Variants in SEC13 observed in about 807,000 individuals in gnomAD.
SEC13 encodes the protein protein SEC13 homolog.
Under a neutral mutation model 49.2 loss-of-function variants are expected in SEC13, and 25 were observed. The ratio of observed to expected loss-of-function variants is 0.51; its 90% CI spans 0.37 to 0.71. SEC13 has a LOEUF of 0.71. Among genes scored for constraint, SEC13 ranks in the 30% least tolerant of loss-of-function variants. The probability of loss-of-function intolerance (pLI) is 0.00; values close to 1 mark genes in which losing one functional copy is unlikely to be tolerated. For synonymous variants in SEC13, 148 were observed against 163.9 expected (o/e 0.90, Z 0.74); for missense variants, 383 against 417.6 (o/e 0.92, Z 0.72).
intron 5 of SEC13, among the ~76,000 whole-genome samples, chr3:10,308,870 A>G (rs1701063155): frequency 6.9e-6 from 1 of 145,276 alleles, no homozygotes; most frequent in Non-Finnish European, 1.5e-5. Flanking sequence ...GGCCTCAAAC[A>G]GGAGTTCACC....
intron 3 of SEC13, among the ~76,000 whole-genome samples, chr3:10,314,331 CTTT>C (rs1186046272): frequency 6.6e-6 from 1 of 152,204 alleles, no homozygotes; most frequent in Non-Finnish European, 1.5e-5. Context: ...GCATGTACTT[CTTT>C]GTTAACACTT....
In SEC13 at chr3:10,300,996, A is replaced by G; in HGVS notation, c.*265T>C. The G allele has an allele frequency of 7.6e-7, 1 of 1,317,634 alleles. No homozygotes were observed. The highest frequency in any genetic ancestry group is 1.1e-6 in the Non-Finnish European group (1 of 936,794). 81.6% of individuals were successfully genotyped at this position (1,317,634 alleles called of 1,614,324 possible). A position where few individuals can be genotyped will look rare whatever the true frequency, so the allele number is the denominator to read the frequency against. On this transcript the variant is annotated 3_prime_UTR_variant, in exon 9 of 9. Transcript: ENST00000350697. ...AACCCCCCAAATAATGCCTGAACCC[A>G]AAGGTACATAAAAATGACCCAAAAT...
At position 10,315,395 on chromosome 3, in the gene SEC13, G is replaced by C; in HGVS notation, c.90C>G (p.Thr30=). 1 of 1,612,850 alleles carries C rather than the reference G, an allele frequency of 6.2e-7. No individual in the cohort carries two copies. The highest frequency in any genetic ancestry group is 8.5e-7 in the Non-Finnish European group (1 of 1,179,846). The change falls in exon 3 of 9, where the codon ACC becomes ACG. Residue 30 remains threonine (T), a synonymous_variant. Transcript: ENST00000350697. Reference sequence around the variant, plus strand: ...TTTTGACGGACCTGTCTGATGAGCAGGTTGCCAGGCGGGTGCCATAGTAGT... The same window carrying C: ...TTTTGACGGACCTGTCTGATGAGCACGTTGCCAGGCGGGTGCCATAGTAGT... The part of the protein sequence containing the change: ...QMDYYGTRLA[T]CSSDRSVKIF...
chr3:10,319,796 A>G (rs139495467), intron 1 of SEC13, among the ~76,000 whole-genome samples: 5 of 1,560 alleles, frequency 3.2e-3, no homozygotes, highest in Non-Finnish European at 4.9e-3. Flanking sequence ...GAGAGAGAGA[A>G]GGCGGGGGGG....
At chr3:10,305,302 A>G in intron 6 of SEC13, 146 bp from the exon 7 acceptor site, 1 of 1,248,832 alleles carries the variant, frequency 8.0e-7, no homozygotes, top group Non-Finnish European at 1.1e-6. Context: ...TATTCCCTTC[A>G]CCCCAGCTGT....
intron 5 of SEC13, among the ~76,000 whole-genome samples, chr3:10,307,846 G>C (rs1388726452): frequency 6.6e-6 from 1 of 152,202 alleles, no homozygotes; most frequent in Non-Finnish European, 1.5e-5. Context: ...TGGGATTACA[G>C]GTGTGAGCCA....
At position 10,311,799 on chromosome 3, in the gene SEC13, G is replaced by A. The variant is rs761244896; in HGVS notation, c.450+166C>T. The A allele has an allele frequency of 3.4e-6, 5 of 1,483,266 alleles. No individual in the cohort carries two copies. The Admixed American group carries it at 1.1e-4, about 32-fold the overall frequency. The allele number at this position is 1,483,266 out of a possible 1,614,324, so 91.9% of individuals were successfully genotyped here. A position where few individuals can be genotyped will look rare whatever the true frequency, so the allele number is the denominator to read the frequency against. On this transcript the variant is annotated intron_variant, in intron 5 of 8. Coordinates refer to ENST00000350697, the MANE Select transcript of SEC13 (RefSeq NM_183352.3). ...CAAGCCCTGCCTGGTCTGGCTTCAG[G>A]GCAGAGAGGCTCAAAGCTGCTCTAG... is the stretch of plus-strand genomic sequence containing the variant.
chr3:10,315,601 C>T (rs1701556979), intron 2 of SEC13, among the ~76,000 whole-genome samples, 165 bp from the exon 3 acceptor site: 1 of 152,218 alleles, frequency 6.6e-6, no homozygotes, highest in Non-Finnish European at 1.5e-5. Flanking sequence ...TGGACATTCT[C>T]ACTTCACCTA....
chr3:10,307,819 T>TGGCGGGATTA (rs1433078849), intron 5 of SEC13, among the ~76,000 whole-genome samples: 4 of 152,198 alleles, frequency 2.6e-5, no homozygotes. Flanking sequence ...TCCGCCTGCC[T>TGGCGGGATTA]CAGCCTCCCA....
intron 4 of SEC13, among the ~76,000 whole-genome samples, 161 bp downstream of exon 4, chr3:10,312,418 G>A (rs968142256): frequency 1.3e-5 from 2 of 152,146 alleles, no homozygotes; most frequent in Non-Finnish European, 2.9e-5. Context: ...TTAGGTCTTA[G>A]GGCCTTACTC....
At chr3:10,311,627 T>G in intron 5 of SEC13, 1 of 1,115,026 alleles carries the variant, frequency 9.0e-7, no homozygotes, top group Non-Finnish European at 1.1e-6. Context: ...TTTTTAAAAG[T>G]TTTAATAACA....
chr3:10,308,096 A>ATAGTAT (rs1701001463), intron 5 of SEC13, among the ~76,000 whole-genome samples: 1 of 152,240 alleles, frequency 6.6e-6, no homozygotes, highest in Non-Finnish European at 1.5e-5. Context: ...AGTATAATTG[A>ATAGTAT]CATAAACTGC....
At chr3:10,308,821 G>T in intron 5 of SEC13, among the ~76,000 whole-genome samples, 1 of 146,892 alleles carries the variant, frequency 6.8e-6, no homozygotes, top group Non-Finnish European at 1.5e-5. Context: ...TTTTAGAGAC[G>T]GGGTCTCACT....
At chr3:10,320,006 GGAGAGA>G (rs59019332) in intron 1 of SEC13, among the ~76,000 whole-genome samples, 23,704 of 102,684 alleles carry the variant, frequency 0.23, 2,214 homozygotes, top group Middle Eastern at 0.31. Context: ...GGGAGGGTGG[GGAGAGA>G]GAGAGAGAGA....
chr3:10,301,104 C>G lies in SEC13; in HGVS notation c.*157G>C, dbSNP rs759665078. 1.9e-6 allele frequency: 3 copies of G among 1,613,332 alleles called. No homozygotes were observed. The highest frequency in any genetic ancestry group is 2.2e-5 in the East Asian group (1 of 44,880). ...GTAGATTACAAAGCATCTCCGATCA[C>G]GTTAAGGCAGATGATCAATCTGTGG... On this transcript the variant is annotated 3_prime_UTR_variant, in exon 9 of 9. Coordinates refer to ENST00000350697, the MANE Select transcript of SEC13 (RefSeq NM_183352.3).
intron 1 of SEC13, among the ~76,000 whole-genome samples, chr3:10,319,693 G>T (rs1330639737): frequency 3.4e-5 from 5 of 146,962 alleles, no homozygotes; most frequent in Non-Finnish European, 5.9e-5. Context: ...AAGGACCTTA[G>T]AAATAATCAG....
chr3:10,318,182 C>A, intron 1 of SEC13, 88 bp from the exon 2 acceptor site: 1 of 874,522 alleles, frequency 1.1e-6, no homozygotes, highest in South Asian at 1.4e-5. Context: ...TTTGTTCACT[C>A]ACTCATTCAT....
rs761702798 is a variant in SEC13 at position 10,305,144 on chromosome 3, GTCC to G, written c.594_596del (p.Glu198del). The G allele has an allele frequency of 3.1e-6, 5 of 1,612,314 alleles. No individual in the cohort carries two copies. The South Asian group carries it at 3.3e-5, about 11-fold the overall frequency. On this transcript the variant is annotated inframe_deletion, in exon 7 of 9. Coordinates refer to ENST00000350697, the MANE Select transcript of SEC13 (RefSeq NM_183352.3). ...GCTTCTGCTCCTCCTTCCACTGGCC[GTCC>G]TCCTCCTCCCTAACAGTGGGGACAG...
At chr3:10,315,114 C>A (rs1418540205) in intron 3 of SEC13, 2 of 514,488 alleles carry the variant, frequency 3.9e-6, no homozygotes, top group Non-Finnish European at 7.0e-6. Context: ...AGATTCACAC[C>A]TGTATCCACC....
Sources: gnomAD v4.1 joint callset for allele counts (sites outside exome capture counted in the v4.1 genomes callset) on GRCh38, gnomAD v4.1.1 for gene constraint, MANE v1.5 for transcripts, NCBI Gene and HGNC (gene_info 2026-07-23, HGNC 2026-07-21) for gene names.